The following REV3L variants were observed in gnomAD, a reference collection of about 807,000 sequenced individuals.
The protein encoded by REV3L is DNA polymerase zeta catalytic subunit.
In REV3L, 69 loss-of-function variants were observed where a neutral mutation model predicts 299.4. The observed-to-expected ratio is 0.23, with a 90% CI of 0.19 to 0.28. The LOEUF is 0.28. REV3L is among the 10% of genes least tolerant of loss of function. The pLI is 1.00. For synonymous variants in REV3L, 1,238 were observed against 1,271.4 expected, an observed-to-expected ratio of 0.97 and a Z score of 0.56; for missense variants, 3,128 against 3,693.8, an observed-to-expected ratio of 0.85 and a Z score of 3.97.
upstream of REV3L, chr6:111,483,259 G>T: frequency 2.1e-6 from 1 of 485,008 alleles, no homozygotes. Context: ...GGGTGTGTGT[G>T]GCGAAGGGAG....
In REV3L at chr6:111,367,813, ATTT is replaced by A. The variant is rs1232747958; in HGVS notation, c.5972_5974del (p.Lys1991del). The A allele has an allele frequency of 6.2e-7, 1 of 1,613,990 alleles. No individual in the cohort carries two copies. ...GGCACATTTGCAAGGCATAATCACA[ATTT>A]TTTTATCTTCAACCATCTTAGGGCT... On this transcript the variant is annotated inframe_deletion, in exon 14 of 32. Coordinates refer to ENST00000368802, the MANE Select transcript of REV3L (RefSeq NM_001372078.1).
chr6:111,366,934 A>T (rs966697359), intron 14 of REV3L, among the ~76,000 whole-genome samples, 181 bp downstream of exon 14: 1 of 152,260 alleles, frequency 6.6e-6, no homozygotes, highest in African/African-American at 2.4e-5. Flanking sequence ...GGAAGCAAAT[A>T]TAAGTAGATT....
intron 1 of REV3L, among the ~76,000 whole-genome samples, chr6:111,443,183 A>G (rs1220302875): frequency 6.6e-6 from 1 of 151,624 alleles, no homozygotes; most frequent in African/African-American, 2.4e-5. Context: ...TTTCTCAGAC[A>G]GAGTCTTTCT....
At chr6:111,422,653 T>C (rs1182843264) in intron 1 of REV3L, among the ~76,000 whole-genome samples, 1 of 47,882 alleles carries the variant, frequency 2.1e-5, no homozygotes, top group Admixed American at 2.4e-4. Context: ...TATATACATA[T>C]ATATATATAC....
chr6:111,381,211 T>G lies in REV3L; in HGVS notation c.1216+114A>C, dbSNP rs142565219. The G allele has an allele frequency of 4.8e-5, 51 of 1,072,478 alleles. No individual in the cohort carries two copies. In the East Asian group the frequency reaches 1.2e-3, roughly 25 times the overall value. 66.4% of individuals were successfully genotyped at this position (1,072,478 alleles called of 1,614,324 possible). Reference sequence around the variant, plus strand: ...TCATTTTCATATTCAGTAGAGTGTTTACTGAACATGCAACATTTACCTCTT... The same window carrying G: ...TCATTTTCATATTCAGTAGAGTGTTGACTGAACATGCAACATTTACCTCTT... On this transcript the variant is annotated intron_variant, in intron 10 of 31. Transcript: ENST00000368802.
In REV3L at chr6:111,363,903, CG is replaced by C; in HGVS notation, c.6828del (p.Tyr2276Ter). On this transcript the variant is annotated frameshift_variant, in exon 16 of 32. Coordinates refer to ENST00000368802, the MANE Select transcript of REV3L (RefSeq NM_001372078.1). LOFTEE classifies it high-confidence loss of function. Reference sequence around the variant, plus strand: ...AAGTTTTGTATGCTGACTTTGAAACCGTAAGTATTGTTTAAAGATGGTCCAT... The same window carrying C: ...AAGTTTTGTATGCTGACTTTGAAACCTAAGTATTGTTTAAAGATGGTCCAT... ...QIDGPSLNNT[Y>X]GFKVSIQNLQ... 1 of 1,612,956 alleles carries C rather than the reference CG, an allele frequency of 6.2e-7. No individual in the cohort carries two copies. Among genetic ancestry groups the C allele is most frequent in the Non-Finnish European group, 8.5e-7 (1 of 1,179,526 alleles).
At position 111,338,312 on chromosome 6, in the gene REV3L, CTTTTTTTTTTTTTTTTTTTTTT is replaced by C. The variant is rs144497761; in HGVS notation, c.7539-2724_7539-2703del. ...TCTTTGTTTACTCCAGTCTAAAGTC[CTTTTTTTTTTTTTTTTTTTTTT>C]TTTTTTTTTTTTTTTTTTAAATAAG... On this transcript the variant is annotated intron_variant, in intron 21 of 31. Transcript: ENST00000368802. 5.6e-3 allele frequency among the ~76,000 whole-genome samples: 267 copies of C among 47,946 alleles called. 7 individuals are homozygous for C. The highest frequency in any genetic ancestry group is 0.023 in the South Asian group (23 of 1,010). 31.5% of individuals were successfully genotyped at this position (47,946 alleles called of 152,430 possible). A position where few individuals can be genotyped will look rare whatever the true frequency, so the allele number is the denominator to read the frequency against.
Position 111,389,191 on chromosome 6 carries a change from A to T in REV3L, c.777T>A (p.Pro259=). The T allele has an allele frequency of 6.2e-7, 1 of 1,613,814 alleles. No individual in the cohort carries two copies. The change falls in exon 7 of 32, where the codon CCT becomes CCA. Residue 259 remains proline, a synonymous_variant. Coordinates refer to ENST00000368802, the MANE Select transcript of REV3L (RefSeq NM_001372078.1). ...LDIEAQIGGN[P]GLQAIWEDEK... is the part of the protein sequence containing the mutation. ...CATCTTCCCATATGGCCTGTAGACC[A>T]GGGTTTCCACCAATTTGAGCTGTAA...
At chr6:111,381,589 TAATA>T in intron 9 of REV3L, 145 bp from the exon 10 acceptor site, 1 of 656,790 alleles carries the variant, frequency 1.5e-6, no homozygotes, top group South Asian at 2.1e-5. Flanking sequence ...AATAAAAACA[TAATA>T]AAAAGCCACA....
intron 25 of REV3L, among the ~76,000 whole-genome samples, chr6:111,327,515 C>T (rs1774958904): frequency 6.7e-6 from 1 of 149,790 alleles, no homozygotes; most frequent in South Asian, 2.1e-4. Flanking sequence ...GGTTAAGCCA[C>T]TGCACTCTAG....
At chr6:111,341,004 C>G (rs1776420748) in intron 21 of REV3L, among the ~76,000 whole-genome samples, 1 of 148,410 alleles carries the variant, frequency 6.7e-6, no homozygotes, top group Non-Finnish European at 1.5e-5. Flanking sequence ...AGTTAAATAT[C>G]AAGTTTTATT....
At position 111,333,109 on chromosome 6, in the gene REV3L, G is replaced by A; in HGVS notation, c.7925+14C>T. The A allele has an allele frequency of 2.5e-6, 4 of 1,611,458 alleles. No homozygotes were observed. The highest frequency in any genetic ancestry group is 3.4e-6 in the Non-Finnish European group (4 of 1,178,804). On this transcript the variant is annotated intron_variant, in intron 23 of 31. Transcript: ENST00000368802. Reference sequence around the variant, plus strand: ...AGCACAACAATATTATTGTAAATGTGAAAAAAACCTTACTTTCCCAAGTTC... The same window carrying A: ...AGCACAACAATATTATTGTAAATGTAAAAAAAACCTTACTTTCCCAAGTTC...
At chr6:111,372,063 A>G (rs940768028) in intron 13 of REV3L, among the ~76,000 whole-genome samples, 1 of 151,894 alleles carries the variant, frequency 6.6e-6, no homozygotes, top group Non-Finnish European at 1.5e-5. Flanking sequence ...ATAAACTATA[A>G]TAACAATAAC....
chr6:111,365,987 G>T (rs1462068083), intron 14 of REV3L, among the ~76,000 whole-genome samples: 1 of 152,136 alleles, frequency 6.6e-6, no homozygotes, highest in African/African-American at 2.4e-5. Context: ...AGATAGATCT[G>T]GGTTACTTGG....
intron 2 of REV3L, among the ~76,000 whole-genome samples, chr6:111,415,445 T>C (rs1164605733): frequency 6.6e-6 from 1 of 152,284 alleles, no homozygotes; most frequent in East Asian, 1.9e-4. Flanking sequence ...CAGACTGGAA[T>C]TGAGTGTATA....
At chr6:111,483,223 G>A, upstream of REV3L, 2 of 440,484 alleles carry the variant, frequency 4.5e-6, no homozygotes, top group South Asian at 3.8e-5. Flanking sequence ...TGTCACGGAC[G>A]CAACCACTGG....
At chr6:111,428,919 T>TA (rs1261039120) in intron 1 of REV3L, among the ~76,000 whole-genome samples, 2 of 152,006 alleles carry the variant, frequency 1.3e-5, no homozygotes, top group Admixed American at 1.3e-4. Context: ...TTGATGCAAA[T>TA]AAGACTACTC....
chr6:111,352,542 C>T (rs1384504933), intron 18 of REV3L, among the ~76,000 whole-genome samples: 2 of 152,152 alleles, frequency 1.3e-5, no homozygotes, highest in Admixed American at 6.5e-5. Flanking sequence ...CTAATCTATA[C>T]TGCCCTTAAA....
intron 13 of REV3L, among the ~76,000 whole-genome samples, chr6:111,372,028 C>A (rs1426715663): frequency 6.6e-6 from 1 of 152,108 alleles, no homozygotes; most frequent in African/African-American, 2.4e-5. Flanking sequence ...AGAATGGAAA[C>A]CAAAGTCCAT....
Sources: gnomAD v4.1 joint callset for allele counts (sites outside exome capture counted in the v4.1 genomes callset) on GRCh38, gnomAD v4.1.1 for gene constraint, MANE v1.5 for transcripts, NCBI Gene and HGNC (gene_info 2026-07-23, HGNC 2026-07-21) for gene names.